The following EPHA7 variants were observed in gnomAD, a reference collection of about 807,000 sequenced individuals.
EPHA7 encodes the protein ephrin type-A receptor 7.
In EPHA7, 25 loss-of-function variants were observed where a neutral mutation model predicts 112.6. That is an observed-to-expected ratio of 0.22 (90% CI 0.16 to 0.31). The LOEUF (loss-of-function observed/expected upper bound fraction) is 0.31, where lower values mean the gene tolerates loss of function less well. EPHA7 is among the 10% of genes least tolerant of loss of function. EPHA7 has a pLI of 1.00. For missense variants in EPHA7, 962 were observed against 1,212.6 expected (o/e 0.79, Z 3.07); for synonymous variants, 437 against 406.5 (o/e 1.07, Z -0.90).
chr6:93,248,731 T>TGC (rs1770072737), intron 14 of EPHA7, among the ~76,000 whole-genome samples: 3 of 151,356 alleles, frequency 2.0e-5, no homozygotes, highest in African/African-American at 7.3e-5. Context: ...GCTCTGTAAC[T>TGC]AGGCTCTGTC....
chr6:93,311,114 ATTTTTTTTT>A (rs71542009), intron 5 of EPHA7, among the ~76,000 whole-genome samples: 12 of 78,510 alleles, frequency 1.5e-4, no homozygotes, highest in Admixed American at 3.1e-4. Flanking sequence ...ATGCCCAGCT[ATTTTTTTTT>A]TTTTTTTTTT....
rs1376219284 is a variant in EPHA7 at position 93,261,580 on chromosome 6, C to T, written c.1799-2101G>A. Reference sequence around the variant, plus strand: ...TGTTAAGTGCACTTTTTTCATTATTCATTTAAAAATGAATGTTTTAAAATA... The same window carrying T: ...TGTTAAGTGCACTTTTTTCATTATTTATTTAAAAATGAATGTTTTAAAATA... On this transcript the variant is annotated intron_variant, in intron 9 of 16. Coordinates refer to ENST00000369303, the MANE Select transcript of EPHA7 (RefSeq NM_004440.4). 4.6e-5 allele frequency among the ~76,000 whole-genome samples: 7 copies of T among 151,480 alleles called. No homozygotes were observed. In the East Asian group the frequency reaches 1.2e-3, roughly 25 times the overall value.
intron 5 of EPHA7, among the ~76,000 whole-genome samples, chr6:93,343,692 G>A (rs977211591): frequency 2.6e-4 from 39 of 151,610 alleles, no homozygotes; most frequent in African/African-American, 9.2e-4. Context: ...CCAGAAAAAT[G>A]GTCGAAAAAA....
intron 13 of EPHA7, among the ~76,000 whole-genome samples, chr6:93,255,608 G>A (rs1770406781): frequency 6.6e-6 from 1 of 151,914 alleles, no homozygotes; most frequent in Non-Finnish European, 1.5e-5. Flanking sequence ...CCAATATAGG[G>A]CAGTCATGTT....
At chr6:93,386,384 T>C (rs760290112) in intron 3 of EPHA7, among the ~76,000 whole-genome samples, 1 of 152,256 alleles carries the variant, frequency 6.6e-6, no homozygotes, top group African/African-American at 2.4e-5. Flanking sequence ...CAAAATCCAA[T>C]AGGGCAGTCA....
intron 5 of EPHA7, among the ~76,000 whole-genome samples, chr6:93,289,366 T>C (rs2127834028): frequency 6.6e-6 from 1 of 152,288 alleles, no homozygotes; most frequent in Admixed American, 6.5e-5. Flanking sequence ...TTGATAACAA[T>C]GAATTACAAC....
chr6:93,359,868 GAGAGAGAGATAGAT>G (rs1232149657), intron 3 of EPHA7, among the ~76,000 whole-genome samples: 41 of 121,422 alleles, frequency 3.4e-4, no homozygotes, highest in African/African-American at 1.1e-3. Flanking sequence ...GAGAGAGAGA[GAGAGAGAGATAGAT>G]AGATAGATAG....
chr6:93,410,380 T>C lies in EPHA7; in HGVS notation c.832+121A>G, dbSNP rs1778916335. On this transcript the variant is annotated intron_variant, in intron 3 of 16. Coordinates refer to ENST00000369303, the MANE Select transcript of EPHA7 (RefSeq NM_004440.4). The surrounding 1 kb of genome is among the most constrained non-coding windows in gnomAD (Gnocchi z 4.0). ...TTCAACGGTGACTTTGTTTAAGATC[T>C]ACTGAATTGCGCTTCTGGTACAGAG... The C allele has an allele frequency of 1.1e-6, 1 of 875,022 alleles. No homozygotes were observed. Among genetic ancestry groups the C allele is most frequent in the East Asian group, 2.5e-5 (1 of 40,122 alleles). 54.2% of individuals were successfully genotyped at this position (875,022 alleles called of 1,614,324 possible).
intron 14 of EPHA7, among the ~76,000 whole-genome samples, chr6:93,248,124 A>T (rs907543569): frequency 3.3e-5 from 5 of 152,074 alleles, no homozygotes; most frequent in Admixed American, 1.3e-4. Context: ...GGAAAAAAAA[A>T]ATCTTTGAAT....
intron 3 of EPHA7, among the ~76,000 whole-genome samples, chr6:93,405,813 GTA>G (rs60882775): frequency 0.067 from 4,926 of 73,424 alleles, 139 homozygotes; most frequent in Middle Eastern, 0.1. Flanking sequence ...GTGTGTGTGT[GTA>G]TATATATATA....
At position 93,410,679 on chromosome 6, in the gene EPHA7, T is replaced by C. The variant is rs2127994574; in HGVS notation, c.654A>G (p.Thr218=). ...IIENLAIFPD[T]VTGSEFSSLV... is the part of the protein sequence containing the mutation. The stretch of plus-strand genomic sequence containing the variant: ...AAGAGGAAAATTCTGAACCAGTCAC[T>C]GTATCTGGAAAGATAGCTAAGTTCT... The change falls in exon 3 of 17, where the codon ACA becomes ACG. Residue 218 remains threonine, a synonymous_variant. Coordinates refer to ENST00000369303, the MANE Select transcript of EPHA7 (RefSeq NM_004440.4). This position sits in a 1 kb window ranked among gnomAD's most constrained non-coding sequence, Gnocchi z 4.0. 1 of 1,614,084 alleles carries C rather than the reference T, an allele frequency of 6.2e-7. No homozygotes were observed. Among genetic ancestry groups the C allele is most frequent in the East Asian group, 2.2e-5 (1 of 44,872 alleles).
intron 2 of EPHA7, among the ~76,000 whole-genome samples, chr6:93,413,085 C>T (rs891970412): frequency 7.9e-5 from 12 of 151,846 alleles, no homozygotes; most frequent in African/African-American, 2.9e-4. Flanking sequence ...CCACAAATGA[C>T]GCCATTGGGA....
At chr6:93,361,366 C>T (rs1776252480) in intron 3 of EPHA7, among the ~76,000 whole-genome samples, 1 of 151,354 alleles carries the variant, frequency 6.6e-6, no homozygotes, top group Admixed American at 6.6e-5. Context: ...AAGCCAAGAA[C>T]ATGCAAAAAA....
At chr6:93,250,362 T>G (rs1240445140) in intron 14 of EPHA7, among the ~76,000 whole-genome samples, 1 of 152,162 alleles carries the variant, frequency 6.6e-6, no homozygotes, top group Non-Finnish European at 1.5e-5. Flanking sequence ...ATTGTTAATA[T>G]TTATTAAGTG....
At chr6:93,344,663 T>G (rs1775305031) in intron 5 of EPHA7, among the ~76,000 whole-genome samples, 1 of 151,608 alleles carries the variant, frequency 6.6e-6, no homozygotes, top group Non-Finnish European at 1.5e-5. Flanking sequence ...TAAAAACTGT[T>G]TCTCATGGTT....
rs1194925755 is a variant in EPHA7, at chr6:93,358,271, A to G, written c.973T>C (p.Tyr325His). 6.2e-7 allele frequency: 1 copy of G among 1,611,516 alleles called. No homozygotes were observed. Among genetic ancestry groups the G allele is most frequent in the South Asian group, 1.1e-5 (1 of 90,682 alleles). Residue 325 changes from tyrosine to histidine, a missense_variant, in exon 4 of 17, where the codon TAC becomes CAC. By Grantham distance (83) the Tyr-to-His change is moderately conservative. Transcript: ENST00000369303. ...GYYRAPSDPP[Y>H]VACTRPPSAP... ...TACAACTCACTTGTGCACGCAACGT[A>G]TGGTGGGTCAGATGGAGCCCTGTAA... is the stretch of plus-strand genomic sequence containing the variant.
At chr6:93,417,537 G>A (rs1175481922) in intron 1 of EPHA7, among the ~76,000 whole-genome samples, 1 of 152,186 alleles carries the variant, frequency 6.6e-6, no homozygotes, top group Non-Finnish European at 1.5e-5. Context: ...AAGAGAACTA[G>A]ACATTCTGGC....
At chr6:93,246,033 CA>C (rs1769930119) in intron 15 of EPHA7, among the ~76,000 whole-genome samples, 1 of 151,924 alleles carries the variant, frequency 6.6e-6, no homozygotes, top group Non-Finnish European at 1.5e-5. Flanking sequence ...CCTCTTTAAT[CA>C]TGTATTGAAT....
intron 5 of EPHA7, among the ~76,000 whole-genome samples, chr6:93,274,215 T>A (rs575321181): frequency 6.6e-6 from 1 of 152,030 alleles, no homozygotes; most frequent in East Asian, 1.9e-4. Context: ...TCAGTATAAG[T>A]CAAACACTAA....
Sources: gnomAD v4.1 joint callset for allele counts (sites outside exome capture counted in the v4.1 genomes callset) on GRCh38, gnomAD v4.1.1 for gene constraint, Gnocchi (gnomAD v3.1) non-coding constraint, MANE v1.5 for transcripts, NCBI Gene and HGNC (gene_info 2026-07-23, HGNC 2026-07-21) for gene names.